Variants in CLPX observed in about 807,000 individuals in gnomAD.
CLPX encodes the protein ATP-dependent clpX-like chaperone, mitochondrial.
A neutral mutation model predicts 76.4 loss-of-function variants in CLPX; 34 were observed. The observed-to-expected ratio is 0.45, with a 90% CI of 0.34 to 0.59. The LOEUF (loss-of-function observed/expected upper bound fraction) is 0.59. Among genes scored for constraint, CLPX ranks in the 20% least tolerant of loss-of-function variants. The probability of loss-of-function intolerance (pLI) is 0.01; values close to 1 mark genes in which losing one functional copy is unlikely to be tolerated. For missense variants in CLPX, 613 were observed against 757.0 expected (o/e 0.81, Z 2.23); for synonymous variants, 248 against 270.9 (o/e 0.92, Z 0.83).
At chr15:65,168,483 C>G (rs1475758831) in intron 3 of CLPX, among the ~76,000 whole-genome samples, 5 of 143,618 alleles carry the variant, frequency 3.5e-5, no homozygotes, top group Middle Eastern at 3.8e-3. Flanking sequence ...TCATTCTGAG[C>G]AAACTATCGC....
At position 65,155,800 on chromosome 15, in the gene CLPX, T is replaced by C. The variant is rs1338442054; in HGVS notation, c.1203A>G (p.Arg401=). ...CTTGAACTGTTTCTCCACGGAGCTTTCGGGAATTCTTTTCTGGAACATTGA... is the reference window on the plus strand; with the variant it reads ...CTTGAACTGTTTCTCCACGGAGCTTCCGGGAATTCTTTTCTGGAACATTGA... ...TIVNVPEKNS[R]KLRGETVQVD... The change falls in exon 10 of 14, where the codon CGA becomes CGG. Residue 401 remains arginine (R), a synonymous_variant. Coordinates refer to ENST00000300107, the MANE Select transcript of CLPX (RefSeq NM_006660.5). 4 of 1,614,102 alleles carry C rather than the reference T, an allele frequency of 2.5e-6. No homozygotes were observed. The South Asian group carries it at 4.4e-5, about 18-fold the overall frequency.
intron 3 of CLPX, among the ~76,000 whole-genome samples, chr15:65,174,295 C>T (rs1290375322): frequency 2.6e-4 from 36 of 140,596 alleles, no homozygotes; most frequent in Non-Finnish European, 4.7e-4. Flanking sequence ...GATGGAGTCT[C>T]GCTCTGTCAC....
intron 5 of CLPX, 94 bp from the exon 6 acceptor site, chr15:65,162,739 A>C: frequency 1.4e-6 from 1 of 699,186 alleles, no homozygotes; most frequent in South Asian, 1.8e-5. Flanking sequence ...ATATATTTAA[A>C]GGATTTGTTC....
intron 3 of CLPX, among the ~76,000 whole-genome samples, chr15:65,171,533 C>T (rs1022628697): frequency 1.3e-5 from 2 of 152,018 alleles, no homozygotes; most frequent in African/African-American, 4.8e-5. Flanking sequence ...TTGCTGATCA[C>T]GTATAAATGC....
chr15:65,157,285 C>T (rs781114172), intron 8 of CLPX, among the ~76,000 whole-genome samples: 29 of 152,120 alleles, frequency 1.9e-4, no homozygotes, highest in Non-Finnish European at 3.1e-4. Context: ...ACATTCTTGT[C>T]TTAAAGAAAT....
At chr15:65,155,627 T>A (rs932358147) in intron 10 of CLPX, 65 bp downstream of exon 10, 7 of 1,337,242 alleles carry the variant, frequency 5.2e-6, no homozygotes, top group Non-Finnish European at 7.3e-6. Context: ...GATATGAGAA[T>A]GGAAACTGAG....
intron 3 of CLPX, among the ~76,000 whole-genome samples, chr15:65,170,822 C>CTTTTTTTTTT (rs749248279): frequency 1.7e-5 from 2 of 118,576 alleles, no homozygotes; most frequent in Non-Finnish European, 3.3e-5. Flanking sequence ...TTCTGTTCTT[C>CTTTTTTTTTT]TTTTTTTTTT....
chr15:65,166,890 GT>G (rs2087922069), intron 3 of CLPX, 105 bp from the exon 4 acceptor site: 1 of 1,107,980 alleles, frequency 9.0e-7, no homozygotes, highest in African/African-American at 1.6e-5. Flanking sequence ...CTGACAAAAA[GT>G]AGACTTGCTG....
chr15:65,161,961 G>A (rs2087861110), intron 6 of CLPX, among the ~76,000 whole-genome samples: 1 of 151,884 alleles, frequency 6.6e-6, no homozygotes, highest in South Asian at 2.1e-4. Flanking sequence ...AATACTACTT[G>A]GTTCAAAGGC....
chr15:65,165,622 T>C (rs943217719), intron 4 of CLPX, among the ~76,000 whole-genome samples: 1 of 151,568 alleles, frequency 6.6e-6, no homozygotes, highest in Non-Finnish European at 1.5e-5. Context: ...CCTGACCTCA[T>C]GATCCGCCCG....
At chr15:65,170,017 T>C (rs975552036) in intron 3 of CLPX, among the ~76,000 whole-genome samples, 2 of 152,028 alleles carry the variant, frequency 1.3e-5, no homozygotes, top group African/African-American at 4.8e-5. Context: ...TGCCTCAGCC[T>C]CCCAAAGTGC....
chr15:65,179,079 A>C, intron 2 of CLPX, 28 bp from the exon 3 acceptor site: 1 of 1,418,650 alleles, frequency 7.0e-7, no homozygotes, highest in Non-Finnish European at 9.9e-7. Context: ...GAAAAAAGGA[A>C]GAGTGTCAAT....
chr15:65,181,025 C>G (rs193231625), intron 1 of CLPX, among the ~76,000 whole-genome samples: 1 of 151,696 alleles, frequency 6.6e-6, no homozygotes, highest in African/African-American at 2.4e-5. Context: ...GTGGTGAAAC[C>G]CTGTCTCTAC....
chr15:65,152,647 AAAC>A lies in CLPX; in HGVS notation c.1705-114_1705-112del, dbSNP rs779122523. ...TCACTCAAGGAAAAAGAAACAAACA[AAAC>A]AAATATATATATATATATAAACATA... On this transcript the variant is annotated intron_variant, in intron 12 of 13. Coordinates refer to ENST00000300107, the MANE Select transcript of CLPX (RefSeq NM_006660.5). 1,006 of 276,392 alleles carry A rather than the reference AAAC, an allele frequency of 3.6e-3. 2 individuals are homozygous for A. Among genetic ancestry groups the A allele is most frequent in the Non-Finnish European group, 5.5e-3 (865 of 155,886 alleles). 17.1% of individuals were successfully genotyped at this position (276,392 alleles called of 1,614,324 possible). A position where few individuals can be genotyped will look rare whatever the true frequency, so the allele number is the denominator to read the frequency against.
intron 3 of CLPX, among the ~76,000 whole-genome samples, chr15:65,177,073 C>CT (rs539053813): frequency 5.2e-4 from 77 of 146,704 alleles, no homozygotes; most frequent in African/African-American, 1.5e-3. Context: ...CCAGTTCTAC[C>CT]TTTTTTTTTT....
intron 3 of CLPX, 25 bp from the exon 4 acceptor site, chr15:65,166,810 A>C: frequency 1.3e-6 from 2 of 1,593,262 alleles, no homozygotes; most frequent in South Asian, 1.1e-5. Context: ...AGACATAAGT[A>C]GAGGGAAATA....
rs1324509658 is a variant in CLPX, at chr15:65,149,492, T to C, written c.*1331A>G. On this transcript the variant is annotated 3_prime_UTR_variant, in exon 14 of 14. Coordinates refer to ENST00000300107, the MANE Select transcript of CLPX (RefSeq NM_006660.5). ...TCTGTCTCAAAAAAATAAAATAAAA[T>C]AGATATATAACTTTCTGAAGATTTA... 5.4e-6 allele frequency: 2 copies of C among 373,172 alleles called. No homozygotes were observed. The highest frequency in any genetic ancestry group is 1.0e-5 in the Non-Finnish European group (2 of 192,102). 23.1% of individuals were successfully genotyped at this position (373,172 alleles called of 1,614,324 possible).
intron 3 of CLPX, among the ~76,000 whole-genome samples, chr15:65,175,334 AAATTAGCCTGGCATGGTG>A (rs1376400828): frequency 1.3e-5 from 2 of 152,090 alleles, no homozygotes; most frequent in African/African-American, 4.8e-5. Flanking sequence ...AAAAATACAA[AAATTAGCCTGGCATGGTG>A]GTGGGCACCT....
At chr15:65,179,937 A>G (rs1449802268) in intron 2 of CLPX, 107 bp downstream of exon 2, 2 of 683,172 alleles carry the variant, frequency 2.9e-6, no homozygotes, top group East Asian at 5.9e-5. Context: ...TAGCTATCTC[A>G]TATTTCCTAC....
Sources: allele counts gnomAD v4.1 joint callset (sites outside exome capture counted in the v4.1 genomes callset), GRCh38; gene constraint gnomAD v4.1.1; transcripts MANE v1.5; gene names NCBI Gene and HGNC (gene_info 2026-07-23, HGNC 2026-07-21).